AQP9: variants seen among roughly 807,000 people sequenced by gnomAD.
AQP9 encodes aquaporin-9.
AQP9 carries 19 observed loss-of-function variants against 23.8 expected under a neutral mutation model. The ratio of observed to expected loss-of-function variants is 0.80; its 90% CI spans 0.56 to 1.17. The LOEUF (loss-of-function observed/expected upper bound fraction) is 1.17, where lower values mean the gene tolerates loss of function less well. AQP9 is among the 50% of genes most tolerant of loss of function. The pLI, the probability that AQP9 is intolerant of heterozygous loss-of-function variation, is 0.00. For synonymous variants in AQP9, 153 were observed against 131.5 expected, an observed-to-expected ratio of 1.16 and a Z score of -1.12; for missense variants, 413 against 362.0, an observed-to-expected ratio of 1.14 and a Z score of -1.14.
intron 1 of AQP9, among the ~76,000 whole-genome samples, chr15:58,139,042 G>A (rs1400854732): frequency 2.0e-5 from 3 of 152,166 alleles, no homozygotes; most frequent in Admixed American, 2.0e-4. Context: ...AAGCATTGGG[G>A]TGACTCAGCC....
chr15:58,151,170 T>C (rs1317645804), intron 1 of AQP9: 1 of 152,148 alleles, frequency 6.6e-6, no homozygotes, highest in East Asian at 1.9e-4. Flanking sequence ...TAATTATTCT[T>C]ATAACTTTAA....
chr15:58,180,012 G>A (rs1898847814), intron 5 of AQP9, among the ~76,000 whole-genome samples: 1 of 152,192 alleles, frequency 6.6e-6, no homozygotes, highest in Non-Finnish European at 1.5e-5. Flanking sequence ...ACAGACGTAA[G>A]ATTGAGCCTC....
At position 58,168,070 on chromosome 15, in the gene AQP9, G is replaced by A. The variant is rs202224740; in HGVS notation, c.238+1271G>A. Among the ~76,000 whole-genome samples the A allele has an allele frequency of 2.7e-4, 41 of 152,104 alleles. No homozygotes were observed. The East Asian group carries it at 5.8e-3, about 22-fold the overall frequency. ...AGAGTCTCACTCTGTTGCCCAGGCT[G>A]GAGTGTCGTGGCAGGATCACAGCTC... On this transcript the variant is annotated intron_variant, in intron 2 of 5. Transcript: ENST00000219919.
intron 4 of AQP9, among the ~76,000 whole-genome samples, chr15:58,177,504 A>C (rs1182270067): frequency 6.6e-6 from 1 of 152,350 alleles, no homozygotes; most frequent in South Asian, 2.1e-4. Context: ...TTTAATATTA[A>C]TTAAAAATTA....
chr15:58,182,647 A>G (rs1470584956), intron 5 of AQP9, among the ~76,000 whole-genome samples: 1 of 152,178 alleles, frequency 6.6e-6, no homozygotes, highest in African/African-American at 2.4e-5. Flanking sequence ...TGCCTCCCCT[A>G]GAAAAATCCA....
chr15:58,172,606 C>T (rs1231838102), intron 2 of AQP9, among the ~76,000 whole-genome samples: 2 of 152,190 alleles, frequency 1.3e-5, no homozygotes, highest in African/African-American at 4.8e-5. Context: ...AGATACATCT[C>T]TTTTGAGCTT....
At chr15:58,162,125 A>G (rs1209503886) in intron 1 of AQP9, among the ~76,000 whole-genome samples, 1 of 152,238 alleles carries the variant, frequency 6.6e-6, no homozygotes, top group African/African-American at 2.4e-5. Flanking sequence ...TACAGGGTTA[A>G]TTACCGTGTC....
intron 1 of AQP9, among the ~76,000 whole-genome samples, chr15:58,165,108 G>A (rs1332133149): frequency 6.6e-6 from 1 of 151,984 alleles, no homozygotes; most frequent in African/African-American, 2.4e-5. Flanking sequence ...CAAGTTAATT[G>A]CTCTTTTTTA....
At chr15:58,159,100 C>G (rs1898320396) in intron 1 of AQP9, among the ~76,000 whole-genome samples, 1 of 152,204 alleles carries the variant, frequency 6.6e-6, no homozygotes, top group Non-Finnish European at 1.5e-5. Flanking sequence ...TTCCCTCTCT[C>G]CGTTCCCGGC....
chr15:58,176,318 T>TACCAGC (rs1288609309), intron 4 of AQP9, among the ~76,000 whole-genome samples: 1 of 152,034 alleles, frequency 6.6e-6, no homozygotes, highest in African/African-American at 2.4e-5. Flanking sequence ...AGGAGTTCAC[T>TACCAGC]ACCAGCCTGG....
chr15:58,165,717 C>T (rs4595742), intron 1 of AQP9, among the ~76,000 whole-genome samples: 4,327 of 151,786 alleles, frequency 0.029, 128 homozygotes, highest in African/African-American at 0.071. Flanking sequence ...CTGGATGTAC[C>T]ATCATATATT....
intron 1 of AQP9, among the ~76,000 whole-genome samples, chr15:58,165,748 A>T (rs1412682231): frequency 2.0e-5 from 3 of 152,090 alleles, no homozygotes; most frequent in African/African-American, 7.2e-5. Context: ...CTTTCTCAAT[A>T]TGGATTTCAT....
chr15:58,185,694 A>G lies in AQP9; in HGVS notation c.*1559A>G, dbSNP rs1899015160. On this transcript the variant is annotated 3_prime_UTR_variant, in exon 6 of 6. Coordinates refer to ENST00000219919, the MANE Select transcript of AQP9 (RefSeq NM_020980.5). ...AAGCACCAGGGGATGCTCTACATCAAGGGATGCACCTTCAGTCAAACTGTC... is the reference window on the plus strand; with the variant it reads ...AAGCACCAGGGGATGCTCTACATCAGGGGATGCACCTTCAGTCAAACTGTC... 6.6e-6 allele frequency: 1 copy of G among 152,190 alleles called. No individual in the cohort carries two copies. The highest frequency in any genetic ancestry group is 2.1e-4 in the South Asian group (1 of 4,824). 9.4% of individuals were successfully genotyped at this position (152,190 alleles called of 1,614,324 possible).
At chr15:58,158,485 T>C (rs967711709) in intron 1 of AQP9, among the ~76,000 whole-genome samples, 6 of 152,298 alleles carry the variant, frequency 3.9e-5, no homozygotes, top group Non-Finnish European at 8.8e-5. Flanking sequence ...AAGTTAATAA[T>C]GGGATAGTGA....
intron 2 of AQP9, among the ~76,000 whole-genome samples, chr15:58,171,509 CCT>C (rs1197792166): frequency 6.6e-6 from 1 of 152,158 alleles, no homozygotes; most frequent in East Asian, 1.9e-4. Flanking sequence ...CCTCCTAACC[CCT>C]GTTTCTAGCC....
At chr15:58,169,396 G>T (rs886083185) in intron 2 of AQP9, among the ~76,000 whole-genome samples, 1 of 152,148 alleles carries the variant, frequency 6.6e-6, no homozygotes, top group Admixed American at 6.5e-5. Flanking sequence ...TGGTGGCTTT[G>T]GGAACATTTT....
chr15:58,140,615 A>T (rs1897935015), intron 1 of AQP9, among the ~76,000 whole-genome samples: 2 of 152,216 alleles, frequency 1.3e-5, no homozygotes, highest in Admixed American at 6.5e-5. Flanking sequence ...CTGAAAGTTT[A>T]TCCAAAGTAA....
chr15:58,141,091 C>G (rs2414535), intron 1 of AQP9, among the ~76,000 whole-genome samples: 85,126 of 152,066 alleles, frequency 0.56, 24,226 homozygotes, highest in African/African-American at 0.64. Flanking sequence ...CATTGGGATA[C>G]GTAGGCCTTT....
At chr15:58,162,252 G>A (rs1035977513) in intron 1 of AQP9, among the ~76,000 whole-genome samples, 4 of 152,206 alleles carry the variant, frequency 2.6e-5, no homozygotes, top group Non-Finnish European at 5.9e-5. Context: ...CCGAGGAGAC[G>A]CAGAGATCAA....
Sources: gnomAD v4.1 joint callset for allele counts (sites outside exome capture counted in the v4.1 genomes callset) on GRCh38, gnomAD v4.1.1 for gene constraint, MANE v1.5 for transcripts, NCBI Gene and HGNC (gene_info 2026-07-23, HGNC 2026-07-21) for gene names.